MMRN2: variants seen among roughly 807,000 people sequenced by gnomAD.
MMRN2 encodes multimerin-2.
MMRN2 carries 53 observed loss-of-function variants against 68.8 expected under a neutral mutation model. That is an observed-to-expected ratio of 0.77 (90% CI 0.62 to 0.97). The LOEUF (loss-of-function observed/expected upper bound fraction) is 0.97, where lower values mean the gene tolerates loss of function less well. Ranked by LOEUF, MMRN2 falls within the 50% of genes least tolerant of loss-of-function variation. The pLI is 0.00. For synonymous variants in MMRN2, 564 were observed against 551.6 expected, an observed-to-expected ratio of 1.02 and a Z score of -0.32; for missense variants, 1,266 against 1,259.5, an observed-to-expected ratio of 1.01 and a Z score of -0.08.
intron 6 of MMRN2, 32 bp downstream of exon 6, chr10:86,942,285 G>A: frequency 3.8e-6 from 6 of 1,569,722 alleles, no homozygotes; most frequent in Non-Finnish European, 5.2e-6. Flanking sequence ...GGCCTCCTAG[G>A]CTCGTCCAGT....
In MMRN2 at chr10:86,957,452, A is replaced by T. The variant is rs1422816442; in HGVS notation, c.90T>A (p.Ser30=). 2 of 1,613,604 alleles carry T rather than the reference A, an allele frequency of 1.2e-6. No homozygotes were observed. The highest frequency in any genetic ancestry group is 1.7e-6 in the Non-Finnish European group (2 of 1,179,998). The change falls in exon 1 of 7, where the codon TCT becomes TCA. Residue 30 remains serine (S), a synonymous_variant. Coordinates refer to ENST00000372027, the MANE Select transcript of MMRN2 (RefSeq NM_024756.3). ...AWAQASSTSL[S]DLQSSRTPGV... Reference sequence around the variant, plus strand: ...CAGGTGTCCTGGAGCTCTGCAGATCAGAGAGGCTAGTACTGGAAGCCTGGG... The same window carrying T: ...CAGGTGTCCTGGAGCTCTGCAGATCTGAGAGGCTAGTACTGGAAGCCTGGG...
Position 86,942,362 on chromosome 10 carries a change from T to C in MMRN2, c.2422A>G (p.Thr808Ala), listed in dbSNP as rs1843984874. The C allele has an allele frequency of 1.2e-6, 2 of 1,614,098 alleles. No homozygotes were observed. Among genetic ancestry groups the C allele is most frequent in the Non-Finnish European group, 1.7e-6 (2 of 1,179,982 alleles). Residue 808 changes from threonine to alanine, a missense_variant, in exon 6 of 7, where the codon ACA becomes GCA. Transcript: ENST00000372027. ...EAEPLVDIRV[T>A]GPVPGALGAA... ...CCCAAGGCACCTGGCACAGGCCCTGTGACCCGTATGTCCACCAAAGGCTCC... is the reference window on the plus strand; with the variant it reads ...CCCAAGGCACCTGGCACAGGCCCTGCGACCCGTATGTCCACCAAAGGCTCC...
chr10:86,945,551 C>T lies in MMRN2; in HGVS notation c.293+10G>A, dbSNP rs1388024920. 1 of 1,583,258 alleles carries T rather than the reference C, an allele frequency of 6.3e-7. No individual in the cohort carries two copies. The highest frequency in any genetic ancestry group is 1.8e-5 in the Admixed American group (1 of 54,360). On this transcript the variant is annotated intron_variant, in intron 2 of 6. Transcript: ENST00000372027. ...AGGCCTGGGCAAATGGCCCACCCTC[C>T]CCTACTCACATGACTTTGACTTTCT...
intron 1 of MMRN2, among the ~76,000 whole-genome samples, chr10:86,946,146 G>A (rs1256672347): frequency 6.6e-6 from 1 of 152,228 alleles, no homozygotes; most frequent in Non-Finnish European, 1.5e-5. Flanking sequence ...GAGAATCCTG[G>A]GTTCGAATCC....
chr10:86,949,885 A>G (rs1453931619), intron 1 of MMRN2: 1 of 105,442 alleles, frequency 9.5e-6, no homozygotes, highest in Non-Finnish European at 1.9e-5. Context: ...CAATAATAAT[A>G]ATAATAATGA....
chr10:86,943,809 C>G lies in MMRN2; in HGVS notation c.975G>C (p.Ser325=). The change falls in exon 6 of 7, where the codon TCG becomes TCC. Residue 325 remains serine, a synonymous_variant. Transcript: ENST00000372027. This position sits in a 1 kb window ranked among gnomAD's most constrained non-coding sequence, Gnocchi z 4.2. ...CCACATCGGCTTGGAGCTCTGAGATCGAGCGGTGCAGGGTAAAGTGCTGGG... is the reference window on the plus strand; with the variant it reads ...CCACATCGGCTTGGAGCTCTGAGATGGAGCGGTGCAGGGTAAAGTGCTGGG... ...LHAQHFTLHR[S]ISELQADVDT... is the part of the protein sequence containing the mutation. 3 of 1,610,600 alleles carry G rather than the reference C, an allele frequency of 1.9e-6. No homozygotes were observed. Among genetic ancestry groups the G allele is most frequent in the South Asian group, 2.2e-5 (2 of 91,084 alleles).
intron 1 of MMRN2, chr10:86,948,984 G>A (rs1844108455): frequency 6.6e-6 from 1 of 152,132 alleles, no homozygotes; most frequent in Admixed American, 6.5e-5. Flanking sequence ...TATTCCAGAA[G>A]TTAAGGACTT....
At position 86,945,247 on chromosome 10, in the gene MMRN2, G is replaced by T; in HGVS notation, c.422C>A (p.Pro141His). The T allele has an allele frequency of 6.2e-7, 1 of 1,613,874 alleles. No homozygotes were observed. Among genetic ancestry groups the T allele is most frequent in the Non-Finnish European group, 8.5e-7 (1 of 1,180,022 alleles). The part of the protein sequence containing the change: ...EHHDSMAIPE[P>H]ADPGDSHQEP... Reference sequence around the variant, plus strand: ...CTGGTGGCTGTCACCAGGATCTGCAGGCTCAGGGATTGCCATGGAATCTGC... The same window carrying T: ...CTGGTGGCTGTCACCAGGATCTGCATGCTCAGGGATTGCCATGGAATCTGC... The change falls in exon 4 of 7, where the codon CCT becomes CAT. Residue 141 changes from proline (P) to histidine (H), a missense_variant. Physicochemically the swap from Pro to His is moderately conservative, Grantham distance 77. Transcript: ENST00000372027.
chr10:86,938,451 T>C (rs1288025791), intron 6 of MMRN2, among the ~76,000 whole-genome samples: 1 of 152,220 alleles, frequency 6.6e-6, no homozygotes, highest in East Asian at 1.9e-4. Context: ...CAGAGGAAGC[T>C]GCCATGTGTG....
chr10:86,945,624 A>G lies in MMRN2; in HGVS notation c.230T>C (p.Phe77Ser). The G allele has an allele frequency of 6.2e-7, 1 of 1,613,918 alleles. No homozygotes were observed. The highest frequency in any genetic ancestry group is 8.5e-7 in the Non-Finnish European group (1 of 1,179,974). The stretch of plus-strand genomic sequence containing the variant: ...ACACGGCTGCTGCGAGTGGATGAGG[A>G]ATTTCTCTGTTTTGCAAAGAGCTAG... ...TLLALCKTEK[F>S]LIHSQQPCPQ... is the part of the protein sequence containing the mutation. Residue 77 changes from phenylalanine (F) to serine (S), a missense_variant, in exon 2 of 7, where the codon TTC (phenylalanine) becomes TCC (serine). Phe to Ser is a radical substitution (Grantham distance 155). Transcript: ENST00000372027.
chr10:86,945,921 G>A (rs1179482150), intron 1 of MMRN2: 12 of 1,211,936 alleles, frequency 9.9e-6, no homozygotes, highest in Middle Eastern at 3.0e-4. Context: ...AAGCCTCCCC[G>A]AGCCAGCAGA....
chr10:86,943,732 C>T lies in MMRN2; in HGVS notation c.1052G>A (p.Gly351Asp). ...HKAQEAPGTN[G>D]SLVLATPGAG... ...CCCAGGCGTTGCCAACACCAGACTG[C>T]CATTGGTCCCTGGGGCCTCCTGAGC... The change falls in exon 6 of 7, where the codon GGC becomes GAC. Residue 351 changes from glycine (G) to aspartate (D), a missense_variant. Physicochemically the swap from Gly to Asp is moderately conservative, Grantham distance 94 (BLOSUM62 -1). Transcript: ENST00000372027. The surrounding 1 kb of genome is among the most constrained non-coding windows in gnomAD (Gnocchi z 4.2). 1 of 1,608,648 alleles carries T rather than the reference C, an allele frequency of 6.2e-7. No homozygotes were observed. The highest frequency in any genetic ancestry group is 8.5e-7 in the Non-Finnish European group (1 of 1,179,984).
At chr10:86,939,806 GGTGTGTGTGT>G (rs769816445) in intron 6 of MMRN2, among the ~76,000 whole-genome samples, 142 of 146,724 alleles carry the variant, frequency 9.7e-4, no homozygotes, top group Non-Finnish European at 1.3e-3. Context: ...GGAAATTTGG[GGTGTGTGTGT>G]GTGTGTGTGT....
rs754739852 is a variant in MMRN2, at chr10:86,936,909, G to A, written c.2684C>T (p.Thr895Ile). Residue 895 changes from threonine (T) to isoleucine (I), a missense_variant, in exon 7 of 7, where the codon ACT (threonine) becomes ATT (isoleucine). Thr to Ile is a moderately conservative substitution (Grantham distance 89). Coordinates refer to ENST00000372027, the MANE Select transcript of MMRN2 (RefSeq NM_024756.3). ...GQLVFGGHHR[T>I]PVCTTGQGSG... ...CCCCTGCCCAGTGGTACAGACTGGA[G>A]TCCGATGGTGACCTCCAAACACCAG... is the stretch of plus-strand genomic sequence containing the variant. 1.2e-6 allele frequency: 2 copies of A among 1,614,230 alleles called. No individual in the cohort carries two copies. Among genetic ancestry groups the A allele is most frequent in the Admixed American group, 3.3e-5 (2 of 60,036 alleles).
Position 86,942,399 on chromosome 10 carries a change from G to T in MMRN2, c.2385C>A (p.Asp795Glu). 1 of 1,614,160 alleles carries T rather than the reference G, an allele frequency of 6.2e-7. No individual in the cohort carries two copies. Among genetic ancestry groups the T allele is most frequent in the Non-Finnish European group, 8.5e-7 (1 of 1,180,010 alleles). Reference protein sequence around the residue: ...QKDLEAPRKRDKKEAEPLVDI... With the variant: ...QKDLEAPRKREKKEAEPLVDI... ...CCACCAAAGGCTCCGCTTCCTTCTT[G>T]TCCCTCTTCCGGGGAGCTTCCAGGT... The change falls in exon 6 of 7, where the codon GAC becomes GAA. Residue 795 changes from aspartate (D) to glutamate (E), a missense_variant. Asp to Glu is a conservative substitution (Grantham distance 45). Coordinates refer to ENST00000372027, the MANE Select transcript of MMRN2 (RefSeq NM_024756.3).
intron 1 of MMRN2, among the ~76,000 whole-genome samples, chr10:86,952,625 G>T (rs759491107): frequency 6.6e-6 from 1 of 152,142 alleles, no homozygotes; most frequent in Non-Finnish European, 1.5e-5. Context: ...ACAGGGAGTA[G>T]GTCACATGCT....
Position 86,942,389 on chromosome 10 carries a change from C to G in MMRN2, c.2395G>C (p.Ala799Pro). 1 of 1,614,192 alleles carries G rather than the reference C, an allele frequency of 6.2e-7. No individual in the cohort carries two copies. The highest frequency in any genetic ancestry group is 8.5e-7 in the Non-Finnish European group (1 of 1,180,016). ...ACCCGTATGTCCACCAAAGGCTCCG[C>G]TTCCTTCTTGTCCCTCTTCCGGGGA... ...EAPRKRDKKE[A>P]EPLVDIRVTG... The change falls in exon 6 of 7, where the codon GCG becomes CCG. Residue 799 changes from alanine to proline, a missense_variant. Physicochemically the swap from Ala to Pro is conservative, Grantham distance 27 (BLOSUM62 -1). Transcript: ENST00000372027.
chr10:86,935,686 T>G lies in MMRN2; in HGVS notation c.*1057A>C, dbSNP rs1843866569. The G allele has an allele frequency of 6.6e-6, 1 of 152,202 alleles. No homozygotes were observed. Among genetic ancestry groups the G allele is most frequent in the Non-Finnish European group, 1.5e-5 (1 of 68,046 alleles). The allele number at this position is 152,202 out of a possible 1,614,324, so 9.4% of individuals were successfully genotyped here. On this transcript the variant is annotated 3_prime_UTR_variant, in exon 7 of 7. Transcript: ENST00000372027. ...AAGATACTGGAGGAAGTAAAAAAGT[T>G]GAAGGCCCTACATATTTTAGTTCAC...
At chr10:86,957,113 T>C (rs1264409431) in intron 1 of MMRN2, among the ~76,000 whole-genome samples, 1 of 152,198 alleles carries the variant, frequency 6.6e-6, no homozygotes, top group African/African-American at 2.4e-5. Flanking sequence ...TGCTGGGTGA[T>C]TGATGGTAGG....
Sources: gnomAD v4.1 joint callset for allele counts (sites outside exome capture counted in the v4.1 genomes callset) on GRCh38, gnomAD v4.1.1 for gene constraint, Gnocchi (gnomAD v3.1) non-coding constraint, MANE v1.5 for transcripts, NCBI Gene and HGNC (gene_info 2026-07-23, HGNC 2026-07-21) for gene names.